Variants in WIPF1 observed in about 807,000 individuals in gnomAD.
WIPF1 encodes WAS/WASL-interacting protein family member 1.
Under a neutral mutation model 35.4 loss-of-function variants are expected in WIPF1, and 13 were observed. The ratio of observed to expected loss-of-function variants is 0.37; its 90% CI spans 0.24 to 0.58. The LOEUF (loss-of-function observed/expected upper bound fraction) is 0.58. Among genes scored for constraint, WIPF1 ranks in the 20% least tolerant of loss-of-function variants. The probability of loss-of-function intolerance (pLI) is 0.74; values close to 1 mark genes in which losing one functional copy is unlikely to be tolerated. For missense variants in WIPF1, 591 were observed against 667.0 expected (o/e 0.89, Z 1.25); for synonymous variants, 267 against 266.3 (o/e 1.00, Z -0.02).
At chr2:174,565,103 C>T (rs1450255275) in intron 7 of WIPF1, among the ~76,000 whole-genome samples, 2 of 152,044 alleles carry the variant, frequency 1.3e-5, no homozygotes, top group Non-Finnish European at 2.9e-5. Context: ...CCATGTTGGT[C>T]AGGCTAGTCT....
upstream of WIPF1, among the ~76,000 whole-genome samples, chr2:174,600,560 T>G (rs1007243434): frequency 1.3e-5 from 2 of 152,364 alleles, no homozygotes; most frequent in Middle Eastern, 6.8e-3. Flanking sequence ...CTTGCAAGCC[T>G]GGTACTCACG....
At chr2:174,657,473 G>C (rs974501063) in intron 1 of WIPF1, among the ~76,000 whole-genome samples, 1 of 152,146 alleles carries the variant, frequency 6.6e-6, no homozygotes, top group Non-Finnish European at 1.5e-5. Context: ...CAGCTCCCAG[G>C]GTTTTCAAAG....
intron 1 of WIPF1, among the ~76,000 whole-genome samples, chr2:174,616,694 G>T (rs1686515222): frequency 6.6e-6 from 1 of 152,112 alleles, no homozygotes; most frequent in Non-Finnish European, 1.5e-5. Context: ...GTTTTACTGG[G>T]TTTTGAAAAT....
chr2:174,657,912 A>C (rs79886692), intron 1 of WIPF1, among the ~76,000 whole-genome samples: 1 of 14,618 alleles, frequency 6.8e-5, no homozygotes, highest in Admixed American at 9.1e-4. Flanking sequence ...CTCTGTCTCA[A>C]AAAAAAAAAA....
chr2:174,576,230 C>CAAAAAAAAAAAAAAAAAA (rs66562213), intron 3 of WIPF1, among the ~76,000 whole-genome samples: 11 of 98,918 alleles, frequency 1.1e-4, no homozygotes, highest in African/African-American at 4.8e-4. Flanking sequence ...TGCACTCCAG[C>CAAAAAAAAAAAAAAAAAA]AAAAAAAAAA....
Position 174,562,241 on chromosome 2 carries a change from T to G in WIPF1, c.*306A>C. 6.5e-7 allele frequency: 1 copy of G among 1,543,330 alleles called. No homozygotes were observed. The highest frequency in any genetic ancestry group is 8.8e-7 in the Non-Finnish European group (1 of 1,141,568). On this transcript the variant is annotated 3_prime_UTR_variant, in exon 8 of 8. Coordinates refer to ENST00000679041, the MANE Select transcript of WIPF1 (RefSeq NM_001375834.1). ...AACAAATAAGCAGTGAATGTTTGAATTTGGTTGGTGGAAAGCTGGGATGCA... is the reference window on the plus strand; with the variant it reads ...AACAAATAAGCAGTGAATGTTTGAAGTTGGTTGGTGGAAAGCTGGGATGCA...
chr2:174,671,689 T>C lies in WIPF1; in HGVS notation c.-39+11085A>G, dbSNP rs191268478. ...CCACTCTGGGAATGTCTGTCTTTTATGGTTGAAGATAAGGGATAAAATAAG... is the reference window on the plus strand; with the variant it reads ...CCACTCTGGGAATGTCTGTCTTTTACGGTTGAAGATAAGGGATAAAATAAG... On this transcript the variant is annotated intron_variant, in intron 1 of 8. Coordinates refer to the WIPF1 transcript ENST00000272746. Among the ~76,000 whole-genome samples, 273 of 152,304 alleles carry C rather than the reference T, an allele frequency of 1.8e-3. 3 individuals carry two copies. Among genetic ancestry groups the C allele is most frequent in the Admixed American group, 0.015 (235 of 15,286 alleles).
rs199651986 is a variant in WIPF1, at chr2:174,668,069, AAGG to A, written c.-39+14702_-39+14704del. On this transcript the variant is annotated intron_variant, in intron 1 of 8. Transcript: ENST00000272746. ...TACGTCTTGTTACGTTTTGTACCTG[AAGG>A]AGGTTTCCAGCTGCGTCTCTCACCT... Among the ~76,000 whole-genome samples the A allele has an allele frequency of 7.0e-3, 1,060 of 152,296 alleles. 15 individuals are homozygous for A. Among genetic ancestry groups the A allele is most frequent in the African/African-American group, 0.025 (1,023 of 41,554 alleles).
At chr2:174,641,948 T>C (rs912840548) in intron 1 of WIPF1, among the ~76,000 whole-genome samples, 10 of 152,216 alleles carry the variant, frequency 6.6e-5, no homozygotes, top group African/African-American at 2.4e-4. Context: ...TCTTGATAAG[T>C]CTGAAGCCAA....
intron 1 of WIPF1, among the ~76,000 whole-genome samples, chr2:174,675,995 G>A (rs1348552316): frequency 6.7e-6 from 1 of 149,440 alleles, no homozygotes; most frequent in Non-Finnish European, 1.5e-5. Flanking sequence ...CACCCAGGCT[G>A]GAGTGCAGTG....
chr2:174,565,934 AG>A (rs1684645681), intron 7 of WIPF1, among the ~76,000 whole-genome samples: 1 of 151,776 alleles, frequency 6.6e-6, no homozygotes, highest in Non-Finnish European at 1.5e-5. Context: ...CCCAGGCTGG[AG>A]TGCAATGGCG....
chr2:174,670,879 G>GA (rs1648354828), intron 1 of WIPF1, among the ~76,000 whole-genome samples: 1 of 152,104 alleles, frequency 6.6e-6, no homozygotes, highest in Non-Finnish European at 1.5e-5. Context: ...GGCATAGGGT[G>GA]TTTTGTCTGA....
intron 1 of WIPF1, among the ~76,000 whole-genome samples, chr2:174,649,445 A>C (rs977132045): frequency 6.6e-6 from 1 of 152,152 alleles, no homozygotes; most frequent in African/African-American, 2.4e-5. Flanking sequence ...CATATACCCC[A>C]GGAGACAATA....
At chr2:174,668,687 C>G (rs530984594) in intron 1 of WIPF1, among the ~76,000 whole-genome samples, 1 of 152,302 alleles carries the variant, frequency 6.6e-6, no homozygotes, top group African/African-American at 2.4e-5. Flanking sequence ...ATGGGTGGAC[C>G]AGCAGTCAGC....
At chr2:174,612,439 T>C (rs1205426597) in intron 1 of WIPF1, among the ~76,000 whole-genome samples, 1 of 152,198 alleles carries the variant, frequency 6.6e-6, no homozygotes, top group Admixed American at 6.5e-5. Context: ...TTTTTATTGT[T>C]AGACATTTAA....
chr2:174,681,297 C>T (rs1688240120), intron 1 of WIPF1, among the ~76,000 whole-genome samples: 1 of 152,132 alleles, frequency 6.6e-6, no homozygotes, highest in Non-Finnish European at 1.5e-5. Context: ...GACTATAGCA[C>T]CTCCAGGTCC....
chr2:174,573,957 A>G (rs1424482254), intron 4 of WIPF1, among the ~76,000 whole-genome samples: 1 of 147,030 alleles, frequency 6.8e-6, no homozygotes, highest in Non-Finnish European at 1.5e-5. Context: ...TGGTGCAATC[A>G]CGGCTCATTG....
At chr2:174,592,401 A>G (rs950194804) in intron 1 of WIPF1, among the ~76,000 whole-genome samples, 1 of 152,158 alleles carries the variant, frequency 6.6e-6, no homozygotes, top group Non-Finnish European at 1.5e-5. Flanking sequence ...AATGTTGCTA[A>G]AAGTAACCCT....
At position 174,627,247 on chromosome 2, in the gene WIPF1, G is replaced by GT. The variant is rs1430840407; in HGVS notation, c.-38-41637dup. Among the ~76,000 whole-genome samples, 11 of 152,090 alleles carry GT rather than the reference G, an allele frequency of 7.2e-5. No homozygotes were observed. In the Middle Eastern group the frequency reaches 0.014, roughly 188 times the overall value. ...TCACCTAGTATTTTTTAGATTTATT[G>GT]TTTTTTGTCCACATCTTTTAACTTG... On this transcript the variant is annotated intron_variant, in intron 1 of 8. Transcript: ENST00000272746.
Sources: gnomAD v4.1 joint callset for allele counts (sites outside exome capture counted in the v4.1 genomes callset) on GRCh38, gnomAD v4.1.1 for gene constraint, MANE v1.5 for transcripts, NCBI Gene and HGNC (gene_info 2026-07-23, HGNC 2026-07-21) for gene names.